Variants in MBD5 observed in about 807,000 individuals in gnomAD.
MBD5 encodes methyl-CpG-binding domain protein 5.
MBD5 carries 13 observed loss-of-function variants against 117.3 expected under a neutral mutation model. The observed-to-expected ratio is 0.11, with a 90% CI of 0.07 to 0.18. The LOEUF (loss-of-function observed/expected upper bound fraction) is 0.18, where lower values mean the gene tolerates loss of function less well. Among genes scored for constraint, MBD5 ranks in the 10% least tolerant of loss-of-function variants. MBD5 has a pLI of 1.00. For missense variants in MBD5, 1,879 were observed against 2,093.8 expected (o/e 0.90, Z 2.00); for synonymous variants, 727 against 766.4 (o/e 0.95, Z 0.85).
At chr2:148,376,696 T>A in intron 4 of MBD5, among the ~76,000 whole-genome samples, 1 of 144,472 alleles carries the variant, frequency 6.9e-6, no homozygotes, top group Non-Finnish European at 1.5e-5. Flanking sequence ...GCAGAACTGA[T>A]AGGATATATA....
chr2:148,027,400 G>A (rs1340788276), intron 1 of MBD5: 1 of 151,706 alleles, frequency 6.6e-6, no homozygotes, highest in African/African-American at 2.4e-5. Flanking sequence ...TTACTTTTAA[G>A]AGAAAAAAAA....
chr2:148,412,256 C>A (rs1473782674), intron 4 of MBD5, among the ~76,000 whole-genome samples: 1 of 140,670 alleles, frequency 7.1e-6, no homozygotes, highest in East Asian at 2.0e-4. Flanking sequence ...GTTACTGTAG[C>A]CTTGTAGTAT....
chr2:148,392,627 T>C (rs1704599446), intron 4 of MBD5, among the ~76,000 whole-genome samples: 2 of 152,136 alleles, frequency 1.3e-5, no homozygotes, highest in African/African-American at 2.4e-5. Context: ...TGTCTGACAG[T>C]TATTTTATGC....
chr2:148,366,235 A>T (rs1357528832), intron 4 of MBD5, among the ~76,000 whole-genome samples: 1 of 152,148 alleles, frequency 6.6e-6, no homozygotes, highest in Non-Finnish European at 1.5e-5. Flanking sequence ...CCACATGATT[A>T]TCTCAATAGA....
intron 1 of MBD5, chr2:148,053,957 G>A (rs1352728627): frequency 1.4e-5 from 2 of 145,790 alleles, no homozygotes; most frequent in Non-Finnish European, 3.0e-5. Flanking sequence ...ATCCTGGCCA[G>A]AGTGCAGTGG....
Position 148,483,584 on chromosome 2 carries a change from A to C in MBD5, c.2993A>C (p.Gln998Pro), listed in dbSNP as rs1681235991. ...GCAGCCTTGCTTCAGAACCAAGCCC[A>C]AGCAGCTGCCATGCTTCCCCTGCCA... ...LLAALLQNQAQAAAMLPLPSF... is the reference protein window; with the variant it reads ...LLAALLQNQAPAAAMLPLPSF... The change falls in exon 9 of 14, where the codon CAA becomes CCA. Residue 998 changes from glutamine to proline, a missense_variant. Transcript: ENST00000642680. The C allele has an allele frequency of 6.4e-7, 1 of 1,558,976 alleles. No homozygotes were observed. The highest frequency in any genetic ancestry group is 8.7e-7 in the Non-Finnish European group (1 of 1,151,600).
At chr2:148,484,201 T>G in intron 9 of MBD5, 66 bp downstream of exon 9, 1 of 1,298,798 alleles carries the variant, frequency 7.7e-7, no homozygotes, top group Non-Finnish European at 1.0e-6. Flanking sequence ...TTTCTCCTTT[T>G]TAAAAACTCC....
intron 2 of MBD5, among the ~76,000 whole-genome samples, chr2:148,227,434 C>T (rs1227668120): frequency 6.6e-6 from 1 of 152,092 alleles, no homozygotes; most frequent in Non-Finnish European, 1.5e-5. Flanking sequence ...AGATACGCGG[C>T]ATTATTTCTG....
chr2:148,464,029 C>G, intron 7 of MBD5, 110 bp downstream of exon 7: 1 of 1,082,876 alleles, frequency 9.2e-7, no homozygotes, highest in Non-Finnish European at 1.3e-6. Context: ...ACGCACAATG[C>G]TTTTAAAATT....
intron 2 of MBD5, among the ~76,000 whole-genome samples, chr2:148,183,671 T>C (rs1440711763): frequency 6.6e-6 from 1 of 152,142 alleles, no homozygotes; most frequent in Non-Finnish European, 1.5e-5. Flanking sequence ...CTCCTTTTCT[T>C]AGTTGTTGGC....
intron 3 of MBD5, among the ~76,000 whole-genome samples, chr2:148,333,180 T>C (rs2105070836): frequency 1.3e-5 from 2 of 152,222 alleles, no homozygotes; most frequent in South Asian, 4.2e-4. Flanking sequence ...TATTTTCTGT[T>C]TGTTTTACCC....
At chr2:148,452,110 G>C (rs1053714964) in intron 4 of MBD5, among the ~76,000 whole-genome samples, 1 of 152,082 alleles carries the variant, frequency 6.6e-6, no homozygotes, top group African/African-American at 2.4e-5. Context: ...AGAAGAATTT[G>C]ACATTTGATG....
At chr2:148,482,469 A>G (rs1360152358) in intron 8 of MBD5, among the ~76,000 whole-genome samples, 4 of 152,094 alleles carry the variant, frequency 2.6e-5, no homozygotes, top group African/African-American at 9.6e-5. Context: ...CTATTTTTAA[A>G]AAATATATGT....
intron 4 of MBD5, among the ~76,000 whole-genome samples, chr2:148,414,885 G>A (rs1705372875): frequency 6.6e-6 from 1 of 152,146 alleles, no homozygotes; most frequent in South Asian, 2.1e-4. Context: ...CTTGAAGACA[G>A]CATACTTCTG....
intron 4 of MBD5, among the ~76,000 whole-genome samples, chr2:148,344,175 A>G (rs532536303): frequency 6.6e-6 from 1 of 151,868 alleles, no homozygotes; most frequent in East Asian, 1.9e-4. Flanking sequence ...TGATCTATGC[A>G]TCTGTTTTTA....
chr2:148,153,168 GT>G (rs1406664678), intron 1 of MBD5, among the ~76,000 whole-genome samples: 1 of 151,134 alleles, frequency 6.6e-6, no homozygotes, highest in Non-Finnish European at 1.5e-5. Flanking sequence ...TTGCTTGTCT[GT>G]AAAGTATTTT....
chr2:148,237,787 A>C (rs1054633078), intron 3 of MBD5, among the ~76,000 whole-genome samples: 1 of 152,204 alleles, frequency 6.6e-6, no homozygotes, highest in Non-Finnish European at 1.5e-5. Flanking sequence ...AAAACAAAGC[A>C]CAAGAAAATG....
At chr2:148,381,675 A>G (rs544879382) in intron 4 of MBD5, among the ~76,000 whole-genome samples, 1 of 152,320 alleles carries the variant, frequency 6.6e-6, no homozygotes, top group East Asian at 1.9e-4. Flanking sequence ...CCAAAGTTGA[A>G]ATGAAGGAAA....
At chr2:148,499,450 C>T (rs1681807093) in intron 11 of MBD5, among the ~76,000 whole-genome samples, 1 of 152,184 alleles carries the variant, frequency 6.6e-6, no homozygotes, top group Non-Finnish European at 1.5e-5. Context: ...TCATTGCTAT[C>T]AGCATGAAAC....
Sources: allele counts gnomAD v4.1 joint callset (sites outside exome capture counted in the v4.1 genomes callset), GRCh38; gene constraint gnomAD v4.1.1; transcripts MANE v1.5; gene names NCBI Gene and HGNC (gene_info 2026-07-23, HGNC 2026-07-21).